The following RIN3 variants were observed in gnomAD, a reference collection of about 807,000 sequenced individuals.
RIN3 encodes the protein Ras and Rab interactor 3, also known as RAB5 interacting protein 3.
Under a neutral mutation model 76.3 loss-of-function variants are expected in RIN3, and 54 were observed. The ratio of observed to expected loss-of-function variants is 0.71; its 90% confidence interval spans 0.57 to 0.89. The LOEUF is 0.89. Ranked by LOEUF, RIN3 falls within the 40% of genes least tolerant of loss-of-function variation. The pLI, the probability that RIN3 is intolerant of heterozygous loss-of-function variation, is 0.00. For synonymous variants in RIN3, 576 were observed against 564.0 expected (o/e 1.02, Z -0.30); for missense variants, 1,256 against 1,322.1 (o/e 0.95, Z 0.78).
In RIN3 at chr14:92,641,397, A is replaced by C. The variant is rs1887008089; in HGVS notation, c.532+68A>C. The C allele has an allele frequency of 5.8e-6, 7 of 1,211,038 alleles. No homozygotes were observed. The East Asian group carries it at 1.4e-4, about 24-fold the overall frequency. 75.0% of individuals were successfully genotyped at this position (1,211,038 alleles called of 1,614,324 possible). On this transcript the variant is annotated intron_variant, in intron 5 of 9. Transcript: ENST00000216487. ...GGAACTGGGGCCCTAGGACTGCCCC[A>C]GGGGCCGCCTGTGCAGAGGGACAGC...
At chr14:92,537,837 ATTTATT>A (rs1321698693) in intron 1 of RIN3, among the ~76,000 whole-genome samples, 3 of 120,780 alleles carry the variant, frequency 2.5e-5, no homozygotes, top group Non-Finnish European at 3.5e-5. Context: ...ATTTTATTTT[ATTTATT>A]TTTTTTTTTT....
At chr14:92,593,251 A>T (rs1225977703) in intron 3 of RIN3, among the ~76,000 whole-genome samples, 3 of 152,218 alleles carry the variant, frequency 2.0e-5, no homozygotes, top group Non-Finnish European at 4.4e-5. Flanking sequence ...TGGAAGACAA[A>T]AGTGGGACCA....
intron 1 of RIN3, among the ~76,000 whole-genome samples, chr14:92,545,248 T>A (rs909629950): frequency 6.6e-6 from 1 of 151,936 alleles, no homozygotes; most frequent in African/African-American, 2.4e-5. Flanking sequence ...TAGGTGGGAC[T>A]ACAGGCACCT....
At chr14:92,525,014 G>A (rs74072921) in intron 1 of RIN3, among the ~76,000 whole-genome samples, 10,049 of 152,270 alleles carry the variant, frequency 0.066, 1,105 homozygotes, top group African/African-American at 0.23. Flanking sequence ...TGTGAGGCCT[G>A]CAGGGCCGCT....
At position 92,685,453 on chromosome 14, in the gene RIN3, C is replaced by G. The variant is rs1888819402; in HGVS notation, c.2631+303C>G. ...CCTTAGCCCCTCCTAGGACCCAGCA[C>G]CCTGCAGGGGCTGGAGATGGGGACT... On this transcript the variant is annotated intron_variant, in intron 9 of 9. Transcript: ENST00000216487. The surrounding 1 kb of genome is among the most constrained non-coding windows in gnomAD (Gnocchi z 4.7). 1 of 317,968 alleles carries G rather than the reference C, an allele frequency of 3.1e-6. No homozygotes were observed. Among genetic ancestry groups the G allele is most frequent in the East Asian group, 5.4e-5 (1 of 18,598 alleles). 19.7% of individuals were successfully genotyped at this position (317,968 alleles called of 1,614,324 possible). A position where few individuals can be genotyped will look rare whatever the true frequency, so the allele number is the denominator to read the frequency against.
At chr14:92,611,754 G>A (rs1393357420) in intron 3 of RIN3, among the ~76,000 whole-genome samples, 1 of 151,982 alleles carries the variant, frequency 6.6e-6, no homozygotes, top group Non-Finnish European at 1.5e-5. Flanking sequence ...CAACAGGTGG[G>A]TACTTTACTA....
chr14:92,637,364 C>A (rs949381235), intron 4 of RIN3, among the ~76,000 whole-genome samples: 1 of 152,094 alleles, frequency 6.6e-6, no homozygotes, highest in East Asian at 1.9e-4. Context: ...TGGAACGCTG[C>A]TGCTGATCTG....
chr14:92,643,302 T>A lies in RIN3; in HGVS notation c.532+1973T>A, dbSNP rs1008667823. 1.2e-4 allele frequency among the ~76,000 whole-genome samples: 19 copies of A among 152,126 alleles called. No individual in the cohort carries two copies. Among genetic ancestry groups the A allele is most frequent in the African/African-American group, 4.3e-4 (18 of 41,420 alleles). On this transcript the variant is annotated intron_variant, in intron 5 of 9. Transcript: ENST00000216487. This position sits in a 1 kb window ranked among gnomAD's most constrained non-coding sequence, Gnocchi z 4.8. ...CTCCTGACCTCATGATCCACCCACCTCGGCCTCCCAAAGTGCTGGGATTAC... is the reference window on the plus strand; with the variant it reads ...CTCCTGACCTCATGATCCACCCACCACGGCCTCCCAAAGTGCTGGGATTAC...
chr14:92,553,686 C>T (rs191823992), intron 1 of RIN3, among the ~76,000 whole-genome samples: 2 of 152,218 alleles, frequency 1.3e-5, no homozygotes, highest in African/African-American at 4.8e-5. Context: ...ACACAACATT[C>T]GTGAGAGTCA....
intron 1 of RIN3, among the ~76,000 whole-genome samples, chr14:92,544,500 G>A (rs1595401944): frequency 6.6e-6 from 1 of 151,892 alleles, no homozygotes. Flanking sequence ...TATTCCCGGG[G>A]CTAGACTCAT....
At chr14:92,605,827 A>G (rs1012218716) in intron 3 of RIN3, among the ~76,000 whole-genome samples, 2 of 152,218 alleles carry the variant, frequency 1.3e-5, no homozygotes, top group Non-Finnish European at 2.9e-5. Context: ...AAGGATAATA[A>G]CTGGTTAAAG....
intron 4 of RIN3, among the ~76,000 whole-genome samples, chr14:92,622,342 AGAGCCTGCTAT>A (rs1440765601): frequency 6.6e-6 from 1 of 152,230 alleles, no homozygotes; most frequent in Non-Finnish European, 1.5e-5. Context: ...TGTTCCCTCC[AGAGCCTGCTAT>A]GAGCTTTCCT....
intron 2 of RIN3, among the ~76,000 whole-genome samples, chr14:92,570,892 T>G (rs1043887307): frequency 3.3e-5 from 5 of 152,226 alleles, no homozygotes; most frequent in African/African-American, 1.2e-4. Flanking sequence ...TACAGATTGC[T>G]ACAACCTAGG....
chr14:92,666,681 G>A (rs1417872902), intron 7 of RIN3, among the ~76,000 whole-genome samples: 1 of 152,202 alleles, frequency 6.6e-6, no homozygotes, highest in Non-Finnish European at 1.5e-5. Context: ...CCACCTCCTT[G>A]ATGTCTAAGA....
intron 3 of RIN3, among the ~76,000 whole-genome samples, chr14:92,587,870 G>GAA (rs926062770): frequency 2.0e-4 from 31 of 152,140 alleles, no homozygotes; most frequent in African/African-American, 6.5e-4. Flanking sequence ...AATTTATAAA[G>GAA]AATGGAAATT....
chr14:92,681,289 G>A lies in RIN3; in HGVS notation c.2468-3698G>A, dbSNP rs1224359681. Among the ~76,000 whole-genome samples the A allele has an allele frequency of 6.6e-6, 1 of 152,056 alleles. No homozygotes were observed. The highest frequency in any genetic ancestry group is 1.9e-4 in the East Asian group (1 of 5,158). ...GCATTTCATGGCCCCAAGTCAAAGA[G>A]GAAGGCTGGCAGAGAGAGAGGCCTC... On this transcript the variant is annotated intron_variant, in intron 8 of 9. Coordinates refer to ENST00000216487, the MANE Select transcript of RIN3 (RefSeq NM_024832.5). This position sits in a 1 kb window ranked among gnomAD's most constrained non-coding sequence, Gnocchi z 4.7.
At chr14:92,683,202 A>C (rs1208839421) in intron 8 of RIN3, among the ~76,000 whole-genome samples, 1 of 151,904 alleles carries the variant, frequency 6.6e-6, no homozygotes, top group Non-Finnish European at 1.5e-5. Flanking sequence ...TCATCCTGGC[A>C]CTGGAAGGGC....
Position 92,548,721 on chromosome 14 carries a change from G to C in RIN3, c.45-7030G>C, listed in dbSNP as rs536305310. Among the ~76,000 whole-genome samples the C allele has an allele frequency of 5.3e-5, 8 of 152,240 alleles. No homozygotes were observed. In the East Asian group the frequency reaches 1.5e-3, roughly 29 times the overall value. On this transcript the variant is annotated intron_variant, in intron 1 of 9. Coordinates refer to ENST00000216487, the MANE Select transcript of RIN3 (RefSeq NM_024832.5). The stretch of plus-strand genomic sequence containing the variant: ...CTTCTTATAGGGACACCTCTCATTG[G>C]AGTTAGGGCCCACTCTAAACTTAGG...
At chr14:92,541,376 G>A (rs1566833736) in intron 1 of RIN3, among the ~76,000 whole-genome samples, 1 of 152,206 alleles carries the variant, frequency 6.6e-6, no homozygotes, top group Non-Finnish European at 1.5e-5. Flanking sequence ...ACTTCTTTCT[G>A]TGCTGCTCAG....
Sources: gnomAD v4.1 joint callset for allele counts (sites outside exome capture counted in the v4.1 genomes callset) on GRCh38, gnomAD v4.1.1 for gene constraint, Gnocchi (gnomAD v3.1) non-coding constraint, MANE v1.5 for transcripts, NCBI Gene and HGNC (gene_info 2026-07-23, HGNC 2026-07-21) for gene names.